Variants in RFFL observed in about 807,000 individuals in gnomAD.
RFFL encodes E3 ubiquitin-protein ligase rififylin.
In RFFL, 16 loss-of-function variants were observed where a neutral mutation model predicts 40.4. The observed-to-expected ratio is 0.40, with a 90% CI of 0.27 to 0.60. The LOEUF (loss-of-function observed/expected upper bound fraction) is 0.60. Among genes scored for constraint, RFFL ranks in the 20% least tolerant of loss-of-function variants. The pLI, the probability that RFFL is intolerant of heterozygous loss-of-function variation, is 0.47. For missense variants in RFFL, 367 were observed against 451.7 expected (o/e 0.81, Z 1.70); for synonymous variants, 154 against 167.9 (o/e 0.92, Z 0.64).
chr17:35,034,475 G>A (rs1476283777), intron 1 of RFFL, among the ~76,000 whole-genome samples: 30 of 151,816 alleles, frequency 2.0e-4, no homozygotes, highest in Admixed American at 2.0e-3. Flanking sequence ...CACCTGGTAA[G>A]GCACAATCAG....
chr17:35,057,793 G>C (rs1336466867), intron 1 of RFFL, among the ~76,000 whole-genome samples: 1 of 151,364 alleles, frequency 6.6e-6, no homozygotes, highest in Admixed American at 6.6e-5. Flanking sequence ...TGCTCTACCT[G>C]TCCAAAATTC....
intron 1 of RFFL, among the ~76,000 whole-genome samples, chr17:35,062,063 T>C (rs551384759): frequency 6.6e-6 from 1 of 151,522 alleles, no homozygotes; most frequent in East Asian, 2.0e-4. Context: ...CAAACAGTAC[T>C]CCAACAAAAT....
chr17:35,008,104 A>G lies in RFFL; in HGVS notation c.*3864T>C, dbSNP rs1237429060. ...CAGCTGTATCCAAAAGGTACCATGT[A>G]TCTCCCAGGGTAACCTGAAGACCTA... On this transcript the variant is annotated 3_prime_UTR_variant, in exon 7 of 7. Coordinates refer to ENST00000394597, the MANE Select transcript of RFFL (RefSeq NM_001017368.2). The G allele has an allele frequency of 6.6e-6, 1 of 152,218 alleles. No individual in the cohort carries two copies. The highest frequency in any genetic ancestry group is 6.5e-5 in the Admixed American group (1 of 15,288). 9.4% of individuals were successfully genotyped at this position (152,218 alleles called of 1,614,324 possible). A position where few individuals can be genotyped will look rare whatever the true frequency, so the allele number is the denominator to read the frequency against.
At chr17:35,031,336 A>C (rs2142333515) in intron 1 of RFFL, among the ~76,000 whole-genome samples, 1 of 151,820 alleles carries the variant, frequency 6.6e-6, no homozygotes, top group East Asian at 1.9e-4. Flanking sequence ...CAAACTCCTG[A>C]CCTCAGGTGA....
intron 1 of RFFL, among the ~76,000 whole-genome samples, chr17:35,047,325 G>A (rs986235704): frequency 7.2e-5 from 11 of 152,168 alleles, no homozygotes; most frequent in African/African-American, 2.4e-4. Context: ...TGGACTGCAC[G>A]AAAATTACTG....
At chr17:35,046,501 C>T (rs2091201123) in intron 1 of RFFL, among the ~76,000 whole-genome samples, 1 of 152,072 alleles carries the variant, frequency 6.6e-6, no homozygotes, top group South Asian at 2.1e-4. Context: ...AGAAACATAA[C>T]AAAATGATAC....
intron 2 of RFFL, among the ~76,000 whole-genome samples, chr17:35,022,473 A>C (rs1374597717): frequency 6.6e-6 from 1 of 152,216 alleles, no homozygotes; most frequent in African/African-American, 2.4e-5. Flanking sequence ...GCGACATTGC[A>C]AAGTAGGTAT....
rs2090907875 is a variant in RFFL, at chr17:35,007,977, G to C, written c.*3991C>G. 1 of 152,248 alleles carries C rather than the reference G, an allele frequency of 6.6e-6. No individual in the cohort carries two copies. The highest frequency in any genetic ancestry group is 1.9e-4 in the East Asian group (1 of 5,192). The allele number at this position is 152,248 out of a possible 1,614,324, so 9.4% of individuals were successfully genotyped here. A position where few individuals can be genotyped will look rare whatever the true frequency, so the allele number is the denominator to read the frequency against. Reference sequence around the variant, plus strand: ...ACTGGTCTCAAACTCCTGGCCTCGAGTCATCCACGCACCTCAGCCTCCCAA... The same window carrying C: ...ACTGGTCTCAAACTCCTGGCCTCGACTCATCCACGCACCTCAGCCTCCCAA... On this transcript the variant is annotated 3_prime_UTR_variant, in exon 7 of 7. Transcript: ENST00000394597.
At chr17:35,057,644 A>C (rs1213453519) in intron 1 of RFFL, among the ~76,000 whole-genome samples, 2 of 148,764 alleles carry the variant, frequency 1.3e-5, no homozygotes, top group Non-Finnish European at 3.0e-5. Flanking sequence ...ATGCCTGCTA[A>C]ATTTCCATAC....
chr17:35,076,077 T>C (rs1567717546), intron 1 of RFFL, among the ~76,000 whole-genome samples: 3 of 139,368 alleles, frequency 2.2e-5, no homozygotes, highest in Admixed American at 1.5e-4. Flanking sequence ...CACTGCAATC[T>C]CCACCTCCCA....
At chr17:35,056,254 A>T (rs2142362791) in intron 1 of RFFL, among the ~76,000 whole-genome samples, 1 of 151,972 alleles carries the variant, frequency 6.6e-6, no homozygotes, top group African/African-American at 2.4e-5. Context: ...GACATCAATG[A>T]CCACTCTTGC....
At chr17:35,077,320 C>A (rs1186124674) in intron 1 of RFFL, among the ~76,000 whole-genome samples, 1 of 152,004 alleles carries the variant, frequency 6.6e-6, no homozygotes, top group African/African-American at 2.4e-5. Flanking sequence ...TCCTAAGAAC[C>A]ACTTAGAACA....
chr17:35,052,039 G>T (rs2091234651), intron 1 of RFFL, among the ~76,000 whole-genome samples: 1 of 152,150 alleles, frequency 6.6e-6, no homozygotes, highest in African/African-American at 2.4e-5. Flanking sequence ...TTCTCATCTG[G>T]AAAACAGGAA....
At chr17:35,076,390 T>C (rs1013058177) in intron 1 of RFFL, among the ~76,000 whole-genome samples, 1 of 151,922 alleles carries the variant, frequency 6.6e-6, no homozygotes, top group Non-Finnish European at 1.5e-5. Flanking sequence ...TTAAAAATAA[T>C]AGTAAAAACG....
intron 1 of RFFL, among the ~76,000 whole-genome samples, chr17:35,055,364 G>A (rs920374551): frequency 2.6e-5 from 4 of 151,866 alleles, no homozygotes; most frequent in Non-Finnish European, 5.9e-5. Flanking sequence ...AAGAACTATG[G>A]ACAGAAATAT....
At chr17:35,024,998 C>G (rs2142326057) in intron 2 of RFFL, among the ~76,000 whole-genome samples, 1 of 152,276 alleles carries the variant, frequency 6.6e-6, no homozygotes, top group Middle Eastern at 3.4e-3. Context: ...TCCAGAAGCT[C>G]TTGTTACACA....
intron 3 of RFFL, among the ~76,000 whole-genome samples, chr17:35,019,736 A>G (rs1431260788): frequency 6.9e-6 from 1 of 145,586 alleles, no homozygotes; most frequent in Non-Finnish European, 1.5e-5. Flanking sequence ...CATAGAGTGG[A>G]AAAAAAAAAA....
intron 1 of RFFL, among the ~76,000 whole-genome samples, chr17:35,086,200 T>G (rs1047495445): frequency 2.8e-4 from 43 of 152,270 alleles, no homozygotes; most frequent in Admixed American, 1.8e-3. Flanking sequence ...AAGCTTGTCT[T>G]TAGGCTGGGC....
At position 35,024,664 on chromosome 17, in the gene RFFL, A is replaced by G. The variant is rs1159007715; in HGVS notation, c.180+1710T>C. 2.0e-5 allele frequency among the ~76,000 whole-genome samples: 3 copies of G among 152,216 alleles called. No individual in the cohort carries two copies. In the East Asian group the frequency reaches 5.8e-4, roughly 29 times the overall value. On this transcript the variant is annotated intron_variant, in intron 2 of 6. Coordinates refer to ENST00000394597, the MANE Select transcript of RFFL (RefSeq NM_001017368.2). The stretch of plus-strand genomic sequence containing the variant: ...TGCTTTGCACCCAATAAGCATTCAG[A>G]AAGTACTGACCATAATGAAGAATAA...
Sources: allele counts gnomAD v4.1 joint callset (sites outside exome capture counted in the v4.1 genomes callset), GRCh38; gene constraint gnomAD v4.1.1; transcripts MANE v1.5; gene names NCBI Gene and HGNC (gene_info 2026-07-23, HGNC 2026-07-21).